Variants in KCNH7 observed in about 807,000 individuals in gnomAD.
KCNH7 encodes potassium voltage-gated channel subfamily H member 7.
KCNH7 carries 49 observed loss-of-function variants against 120.8 expected under a neutral mutation model. The ratio of observed to expected loss-of-function variants is 0.41; its 90% confidence interval spans 0.32 to 0.51. KCNH7 has a LOEUF of 0.51. Among genes scored for constraint, KCNH7 ranks in the 20% least tolerant of loss-of-function variants. The pLI is 0.38. For synonymous variants in KCNH7, 547 were observed against 516.1 expected (o/e 1.06, Z -0.81); for missense variants, 1,097 against 1,446.6 (o/e 0.76, Z 3.92).
intron 3 of KCNH7, among the ~76,000 whole-genome samples, chr2:162,531,460 G>A (rs1691923270): frequency 6.6e-6 from 1 of 151,878 alleles, no homozygotes; most frequent in South Asian, 2.1e-4. Context: ...AACTAAACTA[G>A]GTATCCACCA....
intron 2 of KCNH7, among the ~76,000 whole-genome samples, chr2:162,636,300 G>T (rs1462647551): frequency 3.9e-5 from 6 of 152,094 alleles, no homozygotes; most frequent in African/African-American, 7.2e-5. Flanking sequence ...TCTGAGAAAA[G>T]ATTTGTTTTT....
intron 2 of KCNH7, among the ~76,000 whole-genome samples, chr2:162,720,449 C>A (rs554602261): frequency 2.0e-5 from 3 of 151,772 alleles, no homozygotes; most frequent in Admixed American, 1.3e-4. Flanking sequence ...GTGGTAGTGG[C>A]GTGCTCACAG....
At chr2:162,806,870 T>C (rs577724646) in intron 2 of KCNH7, among the ~76,000 whole-genome samples, 115 of 152,192 alleles carry the variant, frequency 7.6e-4, no homozygotes, top group African/African-American at 2.6e-3. Context: ...AATTTGTAAC[T>C]AGATTAACTC....
rs1692055424 is a variant in KCNH7, at chr2:162,534,882, A to G, written c.463+2043T>C. 2.6e-5 allele frequency among the ~76,000 whole-genome samples: 4 copies of G among 151,866 alleles called. No individual in the cohort carries two copies. In the South Asian group the frequency reaches 6.2e-4, roughly 24 times the overall value. On this transcript the variant is annotated intron_variant, in intron 3 of 15. Coordinates refer to ENST00000332142, the MANE Select transcript of KCNH7 (RefSeq NM_033272.4). ...TTAATATGCGTTAAGAGAACCCAACAACATATTACAAAATGAAACATATCA... is the reference window on the plus strand; with the variant it reads ...TTAATATGCGTTAAGAGAACCCAACGACATATTACAAAATGAAACATATCA...
intron 2 of KCNH7, among the ~76,000 whole-genome samples, chr2:162,722,813 CTTTT>C (rs894023630): frequency 9.4e-5 from 8 of 85,106 alleles, no homozygotes; most frequent in African/African-American, 3.0e-4. Flanking sequence ...TTCTTTTTTT[CTTTT>C]TTTTTTTTTT....
rs758522245 is a variant in KCNH7, at chr2:162,836,766, A to G, written c.78T>C (p.Asn26=). The change falls in exon 2 of 16, where the codon AAT becomes AAC. Residue 26 remains asparagine, a splice_region_variant and synonymous_variant. Transcript: ENST00000332142. ...TGGCATTTGCAATGATAAATTTTTT[A>G]TCTGTAATAAGAAGACAGTATGGCA... ...GTIIRKFEGQ[N]KKFIIANARV... 5.6e-6 allele frequency: 9 copies of G among 1,607,134 alleles called. No individual in the cohort carries two copies. The highest frequency in any genetic ancestry group is 1.6e-4 in the Middle Eastern group (1 of 6,074).
chr2:162,610,944 G>A (rs1682942460), intron 2 of KCNH7, among the ~76,000 whole-genome samples: 1 of 152,190 alleles, frequency 6.6e-6, no homozygotes, highest in South Asian at 2.1e-4. Flanking sequence ...AGATGTGTTA[G>A]GTTAATGAGG....
At chr2:162,603,193 A>G (rs557745539) in intron 2 of KCNH7, among the ~76,000 whole-genome samples, 1 of 152,192 alleles carries the variant, frequency 6.6e-6, no homozygotes, top group South Asian at 2.1e-4. Context: ...AAAGTGAACT[A>G]TAGATATTGC....
At chr2:162,755,978 A>G (rs903511116) in intron 2 of KCNH7, among the ~76,000 whole-genome samples, 1 of 152,162 alleles carries the variant, frequency 6.6e-6, no homozygotes, top group Non-Finnish European at 1.5e-5. Context: ...ACACTAAGTT[A>G]AGAGAAATAG....
At chr2:162,641,898 T>C (rs1684170057) in intron 2 of KCNH7, among the ~76,000 whole-genome samples, 1 of 152,148 alleles carries the variant, frequency 6.6e-6, no homozygotes, top group South Asian at 2.1e-4. Context: ...TTTAAAAATA[T>C]GAACATAGAG....
chr2:162,495,274 T>C (rs1690458397), intron 6 of KCNH7, among the ~76,000 whole-genome samples: 1 of 152,150 alleles, frequency 6.6e-6, no homozygotes, highest in Non-Finnish European at 1.5e-5. Flanking sequence ...TTTGGCCTCA[T>C]ACCTTGTCTA....
chr2:162,783,514 C>G (rs1034148668), intron 2 of KCNH7, among the ~76,000 whole-genome samples: 32 of 152,180 alleles, frequency 2.1e-4, no homozygotes, highest in Non-Finnish European at 4.1e-4. Context: ...TTTTCTGTAG[C>G]AGACGGAATG....
chr2:162,708,371 A>G (rs1424731377), intron 2 of KCNH7, among the ~76,000 whole-genome samples: 1 of 152,096 alleles, frequency 6.6e-6, no homozygotes, highest in East Asian at 1.9e-4. Context: ...TAGGGACTAG[A>G]GAAAGAAAAA....
At chr2:162,579,873 G>A (rs1055141858) in intron 2 of KCNH7, among the ~76,000 whole-genome samples, 2 of 151,954 alleles carry the variant, frequency 1.3e-5, no homozygotes, top group Non-Finnish European at 2.9e-5. Flanking sequence ...TTACGTAGAA[G>A]CAATGATTTC....
intron 2 of KCNH7, among the ~76,000 whole-genome samples, chr2:162,822,025 T>G (rs4574131): frequency 0.6 from 88,591 of 148,454 alleles, 27,554 homozygotes; most frequent in South Asian, 0.83. Context: ...CACACCTAAA[T>G]TGAGTTTCAG....
chr2:162,400,232 G>C lies in KCNH7; in HGVS notation c.2364C>G (p.Gly788=). 6.2e-7 allele frequency: 1 copy of C among 1,612,118 alleles called. No homozygotes were observed. Among genetic ancestry groups the C allele is most frequent in the Non-Finnish European group, 8.5e-7 (1 of 1,178,778 alleles). ...TGTCATCTTTGAGAATTTCAATGGA[G>C]CCTCTGGATAAGAAATAAAGTGCAG... ...VLTALYFLSR[G]SIEILKDDIV... Residue 788 remains glycine, a synonymous_variant, in exon 10 of 16, where the codon GGC becomes GGG. Coordinates refer to ENST00000332142, the MANE Select transcript of KCNH7 (RefSeq NM_033272.4).
chr2:162,427,631 T>C (rs1382253047), intron 8 of KCNH7, among the ~76,000 whole-genome samples: 1 of 151,978 alleles, frequency 6.6e-6, no homozygotes, highest in African/African-American at 2.4e-5. Context: ...AAATATTTTC[T>C]TCCAGTCTAC....
intron 2 of KCNH7, among the ~76,000 whole-genome samples, chr2:162,661,432 GA>G (rs930798215): frequency 2.0e-5 from 3 of 152,040 alleles, no homozygotes; most frequent in African/African-American, 7.2e-5. Flanking sequence ...AAAATACAGT[GA>G]AAAAAATAAA....
intron 2 of KCNH7, among the ~76,000 whole-genome samples, chr2:162,802,563 A>G (rs183498783): frequency 1.3e-5 from 2 of 151,908 alleles, no homozygotes; most frequent in African/African-American, 4.8e-5. Flanking sequence ...TTATCCAATA[A>G]AAATGGAATG....
Sources: gnomAD v4.1 joint callset for allele counts (sites outside exome capture counted in the v4.1 genomes callset) on GRCh38, gnomAD v4.1.1 for gene constraint, MANE v1.5 for transcripts, NCBI Gene and HGNC (gene_info 2026-07-23, HGNC 2026-07-21) for gene names.